Variants in NXPE4 observed in about 807,000 individuals in gnomAD.
NXPE4 encodes NXPE family member 4.
NXPE4 carries 42 observed loss-of-function variants against 33.3 expected under a neutral mutation model. That is an observed-to-expected ratio of 1.26 (90% CI 0.98 to 1.63). NXPE4 has a LOEUF of 1.63. NXPE4 is among the 40% of genes most tolerant of loss of function. NXPE4 has a pLI of 0.00. For synonymous variants in NXPE4, 253 were observed against 234.9 expected, an observed-to-expected ratio of 1.08 and a Z score of -0.71; for missense variants, 709 against 647.6, an observed-to-expected ratio of 1.09 and a Z score of -1.03.
At chr11:114,592,069 C>G (rs1330934144) in intron 2 of NXPE4, among the ~76,000 whole-genome samples, 1 of 152,170 alleles carries the variant, frequency 6.6e-6, no homozygotes, top group East Asian at 1.9e-4. Context: ...CAGCTAACAT[C>G]ACATTCAATG....
chr11:114,618,178 C>A, the NXPE4 span, among the ~76,000 whole-genome samples: 1 of 151,726 alleles, frequency 6.6e-6, no homozygotes, highest in Non-Finnish European at 1.5e-5. Context: ...CCATTGGTAC[C>A]CGGTGGATAC....
chr11:114,576,697 G>A (rs1368175128), intron 5 of NXPE4, among the ~76,000 whole-genome samples: 1 of 151,860 alleles, frequency 6.6e-6, no homozygotes, highest in Non-Finnish European at 1.5e-5. Flanking sequence ...AATAATGTTG[G>A]TGTGGATGCA....
At chr11:114,653,591 G>A in the NXPE4 span, among the ~76,000 whole-genome samples, 4 of 137,124 alleles carry the variant, frequency 2.9e-5, no homozygotes, top group Non-Finnish European at 4.6e-5. Flanking sequence ...GCAGTGGCAC[G>A]ATCTCGGCTC....
the NXPE4 span, among the ~76,000 whole-genome samples, chr11:114,665,889 G>A: frequency 2.0e-5 from 3 of 152,094 alleles, no homozygotes; most frequent in Non-Finnish European, 1.5e-5. Context: ...ACCTTTGCTT[G>A]CACTAAAATA....
At chr11:114,598,172 G>A (rs1235328775), upstream of NXPE4, among the ~76,000 whole-genome samples, 2 of 151,738 alleles carry the variant, frequency 1.3e-5, no homozygotes, top group African/African-American at 4.8e-5. Flanking sequence ...ACTCAGAAGA[G>A]CAGTCACTAA....
chr11:114,617,290 C>G, the NXPE4 span, among the ~76,000 whole-genome samples: 10 of 138,918 alleles, frequency 7.2e-5, no homozygotes, highest in African/African-American at 2.4e-4. Flanking sequence ...GGATAACCAC[C>G]ATTACCCACC....
At chr11:114,643,892 T>C in the NXPE4 span, among the ~76,000 whole-genome samples, 2 of 152,196 alleles carry the variant, frequency 1.3e-5, no homozygotes, top group African/African-American at 2.4e-5. Flanking sequence ...TTCCTATTCA[T>C]GAGCATGGAG....
At chr11:114,633,176 A>G in the NXPE4 span, among the ~76,000 whole-genome samples, 4 of 128,586 alleles carry the variant, frequency 3.1e-5, no homozygotes, top group Non-Finnish European at 6.2e-5. Flanking sequence ...TATATAATTT[A>G]TATGATTATA....
chr11:114,602,906 G>T, the NXPE4 span, among the ~76,000 whole-genome samples: 1 of 146,718 alleles, frequency 6.8e-6, no homozygotes. Context: ...TATAATTACA[G>T]AATCATATAT....
At chr11:114,665,897 A>G in the NXPE4 span, among the ~76,000 whole-genome samples, 2 of 152,146 alleles carry the variant, frequency 1.3e-5, no homozygotes, top group Non-Finnish European at 2.9e-5. Context: ...TTGCACTAAA[A>G]TAGTTGTCTC....
chr11:114,600,581 C>G (rs1160887982), upstream of NXPE4, among the ~76,000 whole-genome samples: 3 of 151,984 alleles, frequency 2.0e-5, no homozygotes, highest in Non-Finnish European at 4.4e-5. Flanking sequence ...TCTAAAGTGT[C>G]ACAATCATGA....
the NXPE4 span, among the ~76,000 whole-genome samples, chr11:114,633,228 A>G: frequency 3.0e-5 from 4 of 133,606 alleles, no homozygotes; most frequent in East Asian, 8.4e-4. Flanking sequence ...ATATATATAA[A>G]TATATGTAAC....
intron 2 of NXPE4, among the ~76,000 whole-genome samples, chr11:114,588,163 C>G (rs987413631): frequency 6.6e-6 from 1 of 152,148 alleles, no homozygotes; most frequent in African/African-American, 2.4e-5. Flanking sequence ...TATTGAGTGT[C>G]CAGGCCCTTC....
the NXPE4 span, among the ~76,000 whole-genome samples, chr11:114,629,626 T>A: frequency 2.6e-5 from 4 of 152,102 alleles, no homozygotes; most frequent in East Asian, 7.7e-4. Flanking sequence ...AGGGATGCCC[T>A]CTCTCACCAC....
chr11:114,628,766 G>C, the NXPE4 span, among the ~76,000 whole-genome samples: 1 of 151,808 alleles, frequency 6.6e-6, no homozygotes, highest in Non-Finnish European at 1.5e-5. Flanking sequence ...AAAATTGATA[G>C]AAAGCTAGCA....
At chr11:114,628,677 G>A in the NXPE4 span, among the ~76,000 whole-genome samples, 7 of 85,882 alleles carry the variant, frequency 8.2e-5, no homozygotes, top group African/African-American at 3.3e-4. Flanking sequence ...AATCAGAGCA[G>A]AACTGAAGGA....
At chr11:114,631,896 A>G in the NXPE4 span, among the ~76,000 whole-genome samples, 1 of 151,432 alleles carries the variant, frequency 6.6e-6, no homozygotes, top group Non-Finnish European at 1.5e-5. Context: ...GATAATAAGT[A>G]TTGCCTCGTG....
At chr11:114,656,164 G>C in the NXPE4 span, among the ~76,000 whole-genome samples, 1 of 150,234 alleles carries the variant, frequency 6.7e-6, no homozygotes, top group African/African-American at 2.5e-5. Context: ...AATCATGAAT[G>C]AACTCCTATT....
chr11:114,610,416 C>A, the NXPE4 span, among the ~76,000 whole-genome samples: 1 of 150,014 alleles, frequency 6.7e-6, no homozygotes, highest in African/African-American at 2.4e-5. Flanking sequence ...GGGAATAATA[C>A]CTATTGCCTC....
Sources: gnomAD v4.1 joint callset for allele counts (sites outside exome capture counted in the v4.1 genomes callset) on GRCh38, gnomAD v4.1.1 for gene constraint, MANE v1.5 for transcripts, NCBI Gene and HGNC (gene_info 2026-07-23, HGNC 2026-07-21) for gene names.